KLHDC1: variants seen among roughly 807,000 people sequenced by gnomAD.
KLHDC1 encodes kelch domain containing 1.
KLHDC1 carries 53 observed loss-of-function variants against 68.3 expected under a neutral mutation model. That is an observed-to-expected ratio of 0.78 (90% CI 0.62 to 0.98). The LOEUF (loss-of-function observed/expected upper bound fraction) is 0.98. Among genes scored for constraint, KLHDC1 ranks in the 50% least tolerant of loss-of-function variants. The pLI, the probability that KLHDC1 is intolerant of heterozygous loss-of-function variation, is 0.00. For synonymous variants in KLHDC1, 148 were observed against 159.0 expected (o/e 0.93, Z 0.52); for missense variants, 470 against 492.3 (o/e 0.95, Z 0.43).
chr14:49,703,807 GTATAT>G (rs1487716167), intron 1 of KLHDC1, among the ~76,000 whole-genome samples: 3 of 152,162 alleles, frequency 2.0e-5, no homozygotes, highest in Non-Finnish European at 2.9e-5. Flanking sequence ...TTCATTTGAT[GTATAT>G]CCTGTATAAC....
chr14:49,728,112 A>T lies in KLHDC1; in HGVS notation c.568-814A>T, dbSNP rs1888717134. On this transcript the variant is annotated intron_variant, in intron 6 of 12. Coordinates refer to ENST00000359332, the MANE Select transcript of KLHDC1 (RefSeq NM_172193.3). ...TGAGGCAGGCAGATCGCTCGAGGCCAGGAGGTTTGAGACCAGCCTGGACAG... is the reference window on the plus strand; with the variant it reads ...TGAGGCAGGCAGATCGCTCGAGGCCTGGAGGTTTGAGACCAGCCTGGACAG... 2.6e-5 allele frequency among the ~76,000 whole-genome samples: 4 copies of T among 152,122 alleles called. No individual in the cohort carries two copies. The South Asian group carries it at 8.3e-4, about 32-fold the overall frequency.
intron 1 of KLHDC1, among the ~76,000 whole-genome samples, chr14:49,703,469 A>C (rs538907049): frequency 3.3e-5 from 5 of 152,016 alleles, no homozygotes; most frequent in African/African-American, 1.2e-4. Context: ...CAGCCTCCCA[A>C]GTAGCTGGGA....
intron 4 of KLHDC1, among the ~76,000 whole-genome samples, chr14:49,715,880 G>A (rs924318406): frequency 6.6e-6 from 1 of 151,098 alleles, no homozygotes; most frequent in Admixed American, 6.6e-5. Context: ...AGTCGTTTGA[G>A]GTTTGTTTTC....
At chr14:49,700,823 G>A (rs1476925766) in intron 1 of KLHDC1, among the ~76,000 whole-genome samples, 1 of 152,206 alleles carries the variant, frequency 6.6e-6, no homozygotes, top group Non-Finnish European at 1.5e-5. Context: ...GCTCACGCCT[G>A]TAATCCCAGC....
chr14:49,705,371 T>TTTTTTTTG (rs1407939035), intron 1 of KLHDC1, among the ~76,000 whole-genome samples: 1 of 108,816 alleles, frequency 9.2e-6, no homozygotes, highest in Non-Finnish European at 1.9e-5. Flanking sequence ...CTTTCTTTTT[T>TTTTTTTTG]TTTTTTTTTT....
At chr14:49,738,470 C>G (rs1398357237) in intron 10 of KLHDC1, among the ~76,000 whole-genome samples, 1 of 151,854 alleles carries the variant, frequency 6.6e-6, no homozygotes, top group East Asian at 1.9e-4. Flanking sequence ...CCTCAGCCTT[C>G]TAAGTAGCTG....
chr14:49,727,856 C>G (rs2139755758), intron 6 of KLHDC1, among the ~76,000 whole-genome samples: 1 of 152,232 alleles, frequency 6.6e-6, no homozygotes, highest in South Asian at 2.1e-4. Context: ...CTTTAATTTC[C>G]TATACCCACT....
At position 49,729,130 on chromosome 14, in the gene KLHDC1, C is replaced by T. The variant is rs187598642; in HGVS notation, c.651+121C>T. ...CTAGAGATTAAAATGGCATTCAATA[C>T]TAATTTTATTTATCTTCTAATTCAT... On this transcript the variant is annotated intron_variant, in intron 7 of 12. Coordinates refer to ENST00000359332, the MANE Select transcript of KLHDC1 (RefSeq NM_172193.3). The T allele has an allele frequency of 1.6e-3, 1,099 of 676,440 alleles. 4 individuals carry two copies. Among genetic ancestry groups the T allele is most frequent in the Middle Eastern group, 6.3e-3 (22 of 3,504 alleles). 41.9% of individuals were successfully genotyped at this position (676,440 alleles called of 1,614,324 possible). A position where few individuals can be genotyped will look rare whatever the true frequency, so the allele number is the denominator to read the frequency against.
chr14:49,698,875 C>A (rs570317280), intron 1 of KLHDC1, among the ~76,000 whole-genome samples: 12 of 151,464 alleles, frequency 7.9e-5, no homozygotes, highest in Non-Finnish European at 1.8e-4. Context: ...TTGATAAGAT[C>A]ATACTTCTTG....
At chr14:49,748,513 A>G (rs187995047) in intron 12 of KLHDC1, among the ~76,000 whole-genome samples, 3 of 152,272 alleles carry the variant, frequency 2.0e-5, no homozygotes, top group Non-Finnish European at 4.4e-5. Flanking sequence ...CAGAAGATGA[A>G]AAAGTGTAGA....
chr14:49,714,701 A>G (rs1888323042), intron 4 of KLHDC1, among the ~76,000 whole-genome samples: 1 of 151,832 alleles, frequency 6.6e-6, no homozygotes, highest in Admixed American at 6.6e-5. Flanking sequence ...GAGGATATGT[A>G]TAGTATAGTA....
chr14:49,711,629 C>T (rs1888203370), intron 4 of KLHDC1, among the ~76,000 whole-genome samples: 1 of 152,090 alleles, frequency 6.6e-6, no homozygotes, highest in Non-Finnish European at 1.5e-5. Context: ...TGAGCCACTG[C>T]GCCTGGCCTT....
At chr14:49,727,652 C>A (rs1160053424) in intron 6 of KLHDC1, among the ~76,000 whole-genome samples, 1 of 152,036 alleles carries the variant, frequency 6.6e-6, no homozygotes, top group African/African-American at 2.4e-5. Context: ...AGAATTCTTC[C>A]AAAATTTCAG....
intron 5 of KLHDC1, among the ~76,000 whole-genome samples, chr14:49,724,580 T>A (rs558230581): frequency 6.6e-6 from 1 of 152,118 alleles, no homozygotes; most frequent in African/African-American, 2.4e-5. Context: ...CACACACATT[T>A]CATGTATATT....
In KLHDC1 at chr14:49,751,906, A is replaced by G. The variant is rs1889329144; in HGVS notation, c.*134A>G. On this transcript the variant is annotated 3_prime_UTR_variant, in exon 13 of 13. Coordinates refer to ENST00000359332, the MANE Select transcript of KLHDC1 (RefSeq NM_172193.3). ...AAAACAGTCACTCTGTTAAGTGACT[A>G]TATGCCATGGGATATATGGAAAAAA... 2.3e-6 allele frequency: 1 copy of G among 443,420 alleles called. No homozygotes were observed. Among genetic ancestry groups the G allele is most frequent in the East Asian group, 3.5e-5 (1 of 28,738 alleles). The allele number at this position is 443,420 out of a possible 1,614,324, so 27.5% of individuals were successfully genotyped here.
intron 1 of KLHDC1, 52 bp downstream of exon 1, chr14:49,693,342 T>G: frequency 8.0e-7 from 1 of 1,254,068 alleles, no homozygotes; most frequent in Non-Finnish European, 1.0e-6. Flanking sequence ...ACCCTCGGCC[T>G]GAGCGGACGC....
chr14:49,750,300 C>G (rs1889294376), intron 12 of KLHDC1, among the ~76,000 whole-genome samples: 1 of 152,174 alleles, frequency 6.6e-6, no homozygotes, highest in Admixed American at 6.5e-5. Context: ...TATTTCTCGT[C>G]TCTAGGGCTT....
intron 2 of KLHDC1, 79 bp from the exon 3 acceptor site, chr14:49,709,630 A>G: frequency 1.4e-6 from 1 of 690,382 alleles, no homozygotes; most frequent in Admixed American, 2.9e-5. Context: ...TTCACTGACA[A>G]AAGTACTCAT....
chr14:49,732,908 T>C lies in KLHDC1; in HGVS notation c.823+92T>C. ...TACAGTGAAGTAAATCTTCCTTTTTTCCTGTTTTTCTGGTTTGCCTTTATC... is the reference window on the plus strand; with the variant it reads ...TACAGTGAAGTAAATCTTCCTTTTTCCCTGTTTTTCTGGTTTGCCTTTATC... On this transcript the variant is annotated intron_variant, in intron 9 of 12. Transcript: ENST00000359332. 4.4e-6 allele frequency: 3 copies of C among 675,996 alleles called. No homozygotes were observed. In the South Asian group the frequency reaches 6.1e-5, roughly 14 times the overall value. The allele number at this position is 675,996 out of a possible 1,614,324, so 41.9% of individuals were successfully genotyped here.
Sources: gnomAD v4.1 joint callset for allele counts (sites outside exome capture counted in the v4.1 genomes callset) on GRCh38, gnomAD v4.1.1 for gene constraint, MANE v1.5 for transcripts, NCBI Gene and HGNC (gene_info 2026-07-23, HGNC 2026-07-21) for gene names.